The following CNTRL variants were observed in gnomAD, a reference collection of about 807,000 sequenced individuals.
The protein encoded by CNTRL is centriolin.
Under a neutral mutation model 303.7 loss-of-function variants are expected in CNTRL, and 233 were observed. That is an observed-to-expected ratio of 0.77 (90% confidence interval 0.69 to 0.86). The LOEUF is 0.86. Among genes scored for constraint, CNTRL ranks in the 40% least tolerant of loss-of-function variants. The pLI is 0.00. For missense variants in CNTRL, 2,524 were observed against 2,650.6 expected, an observed-to-expected ratio of 0.95 and a Z score of 1.05; for synonymous variants, 900 against 922.2, an observed-to-expected ratio of 0.98 and a Z score of 0.44.
intron 18 of CNTRL, 120 bp downstream of exon 18, chr9:121,141,708 T>C (rs2051525714): frequency 1.5e-5 from 15 of 992,012 alleles, no homozygotes; most frequent in Non-Finnish European, 1.8e-5. Flanking sequence ...TTTTCACTTA[T>C]AACAAGTCAA....
rs190368183 is a variant in CNTRL, at chr9:121,110,633, C to G, written c.1003-1826C>G. Among the ~76,000 whole-genome samples, 139 of 152,016 alleles carry G rather than the reference C, an allele frequency of 9.1e-4. 1 individual carries two copies. The highest frequency in any genetic ancestry group is 3.4e-3 in the Middle Eastern group (1 of 294). ...TTGCATGATAACTTGCATTAATATG[C>G]TTGCTTACATTTTAAGTTTTGAAAC... On this transcript the variant is annotated intron_variant, in intron 8 of 43. Transcript: ENST00000373855.
chr9:121,159,609 C>T (rs528446967), intron 31 of CNTRL, among the ~76,000 whole-genome samples: 4 of 149,388 alleles, frequency 2.7e-5, no homozygotes, highest in East Asian at 2.1e-4. Context: ...CTCTTGAACC[C>T]GGGAGGCGGA....
chr9:121,172,104 C>T (rs1007251910), intron 40 of CNTRL, among the ~76,000 whole-genome samples: 3 of 152,194 alleles, frequency 2.0e-5, no homozygotes, highest in African/African-American at 7.2e-5. Context: ...GGTGACCCCA[C>T]GTGGCCATTC....
chr9:121,118,626 G>A (rs578129696), intron 12 of CNTRL, 86 bp downstream of exon 12: 1,134 of 1,159,910 alleles, frequency 9.8e-4, no homozygotes, highest in Non-Finnish European at 1.1e-3. Flanking sequence ...AGTCCTTTCT[G>A]AAAGTCTGTT....
In CNTRL at chr9:121,171,228, T is replaced by C. The variant is rs7043779; in HGVS notation, c.6277-180T>C. On this transcript the variant is annotated intron_variant, in intron 39 of 43. Coordinates refer to ENST00000373855, the MANE Select transcript of CNTRL (RefSeq NM_007018.6). ...GGTAATGCTAACAGACTCTGACGTG[T>C]ATATACGCCCAGCTGTATTTGATCT... is the stretch of plus-strand genomic sequence containing the variant. 2.4e-3 allele frequency: 1,685 copies of C among 693,608 alleles called. 16 individuals carry two copies. The African/African-American group carries it at 0.025, about 10-fold the overall frequency. The allele number at this position is 693,608 out of a possible 1,614,324, so 43.0% of individuals were successfully genotyped here.
rs149779754 is a variant in CNTRL at position 121,107,171 on chromosome 9, A to G, written c.809-631A>G. ...GCAGGCTTCTCAAAATTTTTTTTTA[A>G]AACTTAAGACCTGTAGGATGCAAAA... is the stretch of plus-strand genomic sequence containing the variant. On this transcript the variant is annotated intron_variant, in intron 7 of 43. Transcript: ENST00000373855. Among the ~76,000 whole-genome samples, 20 of 152,294 alleles carry G rather than the reference A, an allele frequency of 1.3e-4. No individual in the cohort carries two copies. In the East Asian group the frequency reaches 3.9e-3, roughly 29 times the overall value.
intron 32 of CNTRL, among the ~76,000 whole-genome samples, chr9:121,160,769 C>T (rs1029377644): frequency 2.6e-5 from 4 of 152,152 alleles, no homozygotes; most frequent in Non-Finnish European, 4.4e-5. Context: ...TGCTTGAGCC[C>T]AGGAGTTCAA....
chr9:121,168,402 T>A (rs2053177349), intron 38 of CNTRL, 81 bp downstream of exon 38: 1 of 1,258,718 alleles, frequency 7.9e-7, no homozygotes, highest in African/African-American at 1.5e-5. Context: ...TTTAAAGAGA[T>A]CCGGACCCCA....
intron 8 of CNTRL, among the ~76,000 whole-genome samples, chr9:121,110,682 G>T (rs922336699): frequency 6.6e-6 from 1 of 151,782 alleles, no homozygotes; most frequent in African/African-American, 2.4e-5. Flanking sequence ...TGGGAAATGT[G>T]GTTGTGTGCG....
intron 1 of CNTRL, among the ~76,000 whole-genome samples, chr9:121,079,589 A>G (rs1038316053): frequency 6.6e-6 from 1 of 152,108 alleles, no homozygotes; most frequent in African/African-American, 2.4e-5. Context: ...ATTTTTTCGG[A>G]TTTTGGAATA....
rs1315628154 is a variant in CNTRL at position 121,177,501 on chromosome 9, CTTA to C, written c.*319_*321del. Reference sequence around the variant, plus strand: ...TATTTGAACCTACAAACTGGTAAATCTTATTAACAAAAAGAATGTACTTAAGGC... The same window carrying C: ...TATTTGAACCTACAAACTGGTAAATCTTAACAAAAAGAATGTACTTAAGGC... On this transcript the variant is annotated 3_prime_UTR_variant, in exon 44 of 44. Coordinates refer to ENST00000373855, the MANE Select transcript of CNTRL (RefSeq NM_007018.6). 1 of 301,626 alleles carries C rather than the reference CTTA, an allele frequency of 3.3e-6. No homozygotes were observed. The highest frequency in any genetic ancestry group is 2.2e-5 in the African/African-American group (1 of 46,364). 18.7% of individuals were successfully genotyped at this position (301,626 alleles called of 1,614,324 possible).
chr9:121,156,935 A>G (rs1348525782), intron 27 of CNTRL, among the ~76,000 whole-genome samples: 1 of 152,248 alleles, frequency 6.6e-6, no homozygotes, highest in East Asian at 1.9e-4. Context: ...TCTTGGTAAA[A>G]TCACTTCCTT....
chr9:121,096,585 G>A (rs200897069), intron 6 of CNTRL, 22 bp downstream of exon 6: 1 of 1,393,032 alleles, frequency 7.2e-7, no homozygotes, highest in African/African-American at 1.5e-5. Context: ...AAAATAGCAG[G>A]AATTTTTAGA....
intron 34 of CNTRL, among the ~76,000 whole-genome samples, chr9:121,164,625 AC>A (rs1212817246): frequency 6.6e-6 from 1 of 152,234 alleles, no homozygotes; most frequent in African/African-American, 2.4e-5. Flanking sequence ...GACAGATCCT[AC>A]TGTACACACA....
chr9:121,150,839 A>C (rs182534495), intron 25 of CNTRL, among the ~76,000 whole-genome samples: 361 of 152,232 alleles, frequency 2.4e-3, no homozygotes, highest in Non-Finnish European at 4.0e-3. Context: ...TTAATAACAA[A>C]TGTTTTCAGT....
At chr9:121,145,171 A>G in intron 21 of CNTRL, 73 bp from the exon 22 acceptor site, 1 of 1,480,512 alleles carries the variant, frequency 6.8e-7, no homozygotes, top group Non-Finnish European at 9.2e-7. Flanking sequence ...ATCATAATCA[A>G]GTTGAAAGGA....
chr9:121,100,840 A>T (rs1286351225), intron 7 of CNTRL, among the ~76,000 whole-genome samples: 1 of 152,244 alleles, frequency 6.6e-6, no homozygotes, highest in Non-Finnish European at 1.5e-5. Flanking sequence ...TAAAGGGATC[A>T]ATTCAACAGG....
At chr9:121,167,254 T>A (rs1048938900) in intron 36 of CNTRL, among the ~76,000 whole-genome samples, 3 of 151,474 alleles carry the variant, frequency 2.0e-5, no homozygotes, top group Admixed American at 6.6e-5. Flanking sequence ...GAGGTTGCAG[T>A]GAGCCGAGAT....
chr9:121,113,412 G>A (rs2049839395), intron 9 of CNTRL, 90 bp from the exon 10 acceptor site: 4 of 634,632 alleles, frequency 6.3e-6, no homozygotes, highest in Non-Finnish European at 1.1e-5. Context: ...GAGCAATTCT[G>A]TGATATGTTT....
Sources: allele counts gnomAD v4.1 joint callset (sites outside exome capture counted in the v4.1 genomes callset), GRCh38; gene constraint gnomAD v4.1.1; transcripts MANE v1.5; gene names NCBI Gene and HGNC (gene_info 2026-07-23, HGNC 2026-07-21).